Variants in GALNT14 observed in about 807,000 individuals in gnomAD.
GALNT14 encodes polypeptide N-acetylgalactosaminyltransferase 14.
Under a neutral mutation model 77.5 loss-of-function variants are expected in GALNT14, and 60 were observed. The ratio of observed to expected loss-of-function variants is 0.77; its 90% confidence interval spans 0.63 to 0.96. GALNT14 has a LOEUF of 0.96. Among genes scored for constraint, GALNT14 ranks in the 40% least tolerant of loss-of-function variants. GALNT14 has a pLI of 0.00. For missense variants in GALNT14, 710 were observed against 731.0 expected (o/e 0.97, Z 0.33); for synonymous variants, 280 against 281.7 (o/e 0.99, Z 0.06).
the GALNT14 span, among the ~76,000 whole-genome samples, chr2:30,903,905 T>C: frequency 6.6e-6 from 1 of 152,248 alleles, no homozygotes; most frequent in Non-Finnish European, 1.5e-5. Flanking sequence ...TAAACCCTAG[T>C]TAATAAGAAT....
the GALNT14 span, among the ~76,000 whole-genome samples, chr2:30,897,106 C>A: frequency 2.0e-5 from 3 of 152,198 alleles, no homozygotes; most frequent in African/African-American, 2.4e-5. Context: ...CCCTTCCCAG[C>A]TTTACCTGCC....
intron 2 of GALNT14, among the ~76,000 whole-genome samples, chr2:30,972,241 C>T (rs1668400958): frequency 6.6e-6 from 1 of 152,142 alleles, no homozygotes; most frequent in South Asian, 2.1e-4. Context: ...ACAATGGCTC[C>T]GAATCTTAAA....
intron 1 of GALNT14, among the ~76,000 whole-genome samples, chr2:31,087,229 G>C (rs1676474480): frequency 6.6e-6 from 1 of 152,158 alleles, no homozygotes; most frequent in Non-Finnish European, 1.5e-5. Flanking sequence ...CTTTGTGGCT[G>C]AGGATGAAGA....
chr2:31,129,465 C>T, intron 1 of GALNT14: 2 of 985,454 alleles, frequency 2.0e-6, no homozygotes, highest in Non-Finnish European at 2.4e-6. Flanking sequence ...ACCATAAGGA[C>T]ATTAGTCAAT....
At chr2:31,125,223 T>A in intron 1 of GALNT14, 1 of 1,550,466 alleles carries the variant, frequency 6.4e-7, no homozygotes, top group South Asian at 1.2e-5. Context: ...CAAGGGCTCA[T>A]CCCAGCCACC....
intron 1 of GALNT14, among the ~76,000 whole-genome samples, chr2:31,059,504 A>T (rs1378465838): frequency 6.6e-6 from 1 of 152,148 alleles, no homozygotes; most frequent in Non-Finnish European, 1.5e-5. Context: ...GCCTTAGGTC[A>T]TGGGGGAGGA....
At chr2:30,906,766 G>C (rs184996085), downstream of GALNT14, among the ~76,000 whole-genome samples, 1 of 151,982 alleles carries the variant, frequency 6.6e-6, no homozygotes, top group African/African-American at 2.4e-5. Context: ...ATTTTTTTCA[G>C]CACCACACCA....
intron 2 of GALNT14, among the ~76,000 whole-genome samples, chr2:30,989,767 A>G (rs1669575963): frequency 6.7e-6 from 1 of 148,816 alleles, no homozygotes. Flanking sequence ...AGGTAGGATC[A>G]TTATTGTGAT....
rs112402083 is a variant in GALNT14, at chr2:30,952,676, G to C, written c.654+2942C>G. On this transcript the variant is annotated intron_variant, in intron 6 of 14. Transcript: ENST00000349752. ...CCTAATGCTAGATGACGAGTTAGTGGGTGCAGCGCACCAGCATGGCACATG... is the reference window on the plus strand; with the variant it reads ...CCTAATGCTAGATGACGAGTTAGTGCGTGCAGCGCACCAGCATGGCACATG... 6.2e-4 allele frequency among the ~76,000 whole-genome samples: 92 copies of C among 147,768 alleles called. No homozygotes were observed. The South Asian group carries it at 0.019, about 31-fold the overall frequency.
intron 1 of GALNT14, among the ~76,000 whole-genome samples, chr2:31,088,564 C>T (rs1676574168): frequency 6.6e-6 from 1 of 152,116 alleles, no homozygotes; most frequent in Non-Finnish European, 1.5e-5. Flanking sequence ...AACTTGGAGC[C>T]CAGCTTAGAT....
At chr2:31,033,035 C>G (rs1367930009) in intron 1 of GALNT14, among the ~76,000 whole-genome samples, 2 of 152,146 alleles carry the variant, frequency 1.3e-5, no homozygotes, top group African/African-American at 2.4e-5. Context: ...TGGGCACACT[C>G]TGGCTGGCAC....
intron 1 of GALNT14, among the ~76,000 whole-genome samples, chr2:31,126,373 T>C (rs1447365431): frequency 6.6e-6 from 1 of 152,138 alleles, no homozygotes; most frequent in African/African-American, 2.4e-5. Context: ...GTGGGTGCTC[T>C]GGAGGCAGAC....
chr2:30,962,436 G>A (rs1185284680), intron 3 of GALNT14, among the ~76,000 whole-genome samples: 1 of 152,170 alleles, frequency 6.6e-6, no homozygotes, highest in African/African-American at 2.4e-5. Context: ...ACACATAAAG[G>A]GATCCATTGC....
chr2:30,943,598 A>G (rs2148284573), intron 8 of GALNT14, among the ~76,000 whole-genome samples: 1 of 152,268 alleles, frequency 6.6e-6, no homozygotes, highest in African/African-American at 2.4e-5. Context: ...ACCCCATGGG[A>G]GCTGCACAGC....
intron 2 of GALNT14, 124 bp downstream of exon 2, chr2:30,992,714 A>G (rs1255819799): frequency 2.7e-6 from 3 of 1,101,366 alleles, no homozygotes; most frequent in Non-Finnish European, 4.0e-6. Context: ...TTTAGTGTTC[A>G]ACTGGCAGCA....
At chr2:30,908,377 A>G (rs1379732809), downstream of GALNT14, among the ~76,000 whole-genome samples, 1 of 151,282 alleles carries the variant, frequency 6.6e-6, no homozygotes, top group African/African-American at 2.4e-5. Context: ...ATACAAAATC[A>G]ATGTACAAAA....
intron 1 of GALNT14, among the ~76,000 whole-genome samples, chr2:31,006,790 C>T (rs1300654618): frequency 6.6e-6 from 1 of 152,316 alleles, no homozygotes; most frequent in East Asian, 1.9e-4. Context: ...GAGTCAAGTG[C>T]CCCTAAGCCC....
chr2:30,925,030 T>C (rs1665284515), intron 11 of GALNT14, among the ~76,000 whole-genome samples: 1 of 152,230 alleles, frequency 6.6e-6, no homozygotes, highest in African/African-American at 2.4e-5. Flanking sequence ...TAGCAATATC[T>C]CACAATGGTG....
chr2:30,919,564 G>A (rs1345653308), intron 13 of GALNT14, among the ~76,000 whole-genome samples: 1 of 152,170 alleles, frequency 6.6e-6, no homozygotes, highest in Non-Finnish European at 1.5e-5. Flanking sequence ...GAGTCTCCAG[G>A]GCAAAAGGAC....
Sources: allele counts gnomAD v4.1 joint callset (sites outside exome capture counted in the v4.1 genomes callset), GRCh38; gene constraint gnomAD v4.1.1; transcripts MANE v1.5; gene names NCBI Gene and HGNC (gene_info 2026-07-23, HGNC 2026-07-21).